Variants in TRIB2 observed in about 807,000 individuals in gnomAD.
The protein encoded by TRIB2 is tribbles pseudokinase 2.
TRIB2 carries 2 observed loss-of-function variants against 26.8 expected under a neutral mutation model. The observed-to-expected ratio is 0.07, with a 90% CI of 0.03 to 0.24. The LOEUF is 0.24. Ranked by LOEUF, TRIB2 falls within the 10% of genes least tolerant of loss-of-function variation. TRIB2 has a pLI of 1.00. For missense variants in TRIB2, 306 were observed against 449.0 expected (o/e 0.68, Z 2.88); for synonymous variants, 189 against 187.3 (o/e 1.01, Z -0.08).
intron 1 of TRIB2, among the ~76,000 whole-genome samples, chr2:12,720,390 C>T (rs1661179195): frequency 6.6e-6 from 1 of 152,198 alleles, no homozygotes. Flanking sequence ...TTCTGCTTGA[C>T]AGAGGTCATC....
At chr2:12,724,303 G>A (rs1217510455) in intron 2 of TRIB2, among the ~76,000 whole-genome samples, 1 of 152,240 alleles carries the variant, frequency 6.6e-6, no homozygotes, top group African/African-American at 2.4e-5. Context: ...CAGGATGCAG[G>A]CAACTGGCTT....
chr2:12,725,896 G>A (rs1290189802), intron 2 of TRIB2, among the ~76,000 whole-genome samples: 1 of 152,240 alleles, frequency 6.6e-6, no homozygotes, highest in East Asian at 1.9e-4. Flanking sequence ...CAGCCTTGAG[G>A]CTGATGCCCT....
intron 1 of TRIB2, among the ~76,000 whole-genome samples, chr2:12,719,419 T>G (rs776314899): frequency 2.0e-5 from 3 of 152,100 alleles, no homozygotes; most frequent in Non-Finnish European, 4.4e-5. Flanking sequence ...TGTATATGTG[T>G]GTCTGTGTAT....
Position 12,737,040 on chromosome 2 carries a change from A to G in TRIB2, c.564-3286A>G, listed in dbSNP as rs183202020. Among the ~76,000 whole-genome samples the G allele has an allele frequency of 4.1e-4, 62 of 152,252 alleles. No individual in the cohort carries two copies. The Middle Eastern group carries it at 0.01, about 25-fold the overall frequency. The stretch of plus-strand genomic sequence containing the variant: ...TGGGGCCAAGCTGGGCATGTGAGGA[A>G]CAGCAAACAGGCTGGGATGGAGAGA... On this transcript the variant is annotated intron_variant, in intron 2 of 2. Transcript: ENST00000155926.
At chr2:12,735,003 G>T (rs1242384409) in intron 2 of TRIB2, among the ~76,000 whole-genome samples, 2 of 152,174 alleles carry the variant, frequency 1.3e-5, no homozygotes. Flanking sequence ...AGAGGAGGGA[G>T]CCAAGGCCCA....
rs142801356 is a variant in TRIB2 at position 12,736,162 on chromosome 2, G to T, written c.564-4164G>T. ...GAATCTAAAATTGTGACCTGGAAGG[G>T]GATAGGAATGGAAAAGGGCCTCAGA... On this transcript the variant is annotated intron_variant, in intron 2 of 2. Coordinates refer to ENST00000155926, the MANE Select transcript of TRIB2 (RefSeq NM_021643.4). 1.1e-4 allele frequency among the ~76,000 whole-genome samples: 17 copies of T among 152,194 alleles called. No homozygotes were observed. The East Asian group carries it at 3.3e-3, about 29-fold the overall frequency.
chr2:12,717,436 C>G lies in TRIB2; in HGVS notation c.-872C>G, dbSNP rs1666616598. 2.5e-6 allele frequency: 1 copy of G among 398,328 alleles called. No homozygotes were observed. Among genetic ancestry groups the G allele is most frequent in the South Asian group, 1.3e-4 (1 of 7,862 alleles). The allele number at this position is 398,328 out of a possible 1,614,324, so 24.7% of individuals were successfully genotyped here. A position where few individuals can be genotyped will look rare whatever the true frequency, so the allele number is the denominator to read the frequency against. ...GCTGCATTCGGAGGAAGACCTGGGG[C>G]GCGAGCGAGCGGCGACAGCATGAGC... is the stretch of plus-strand genomic sequence containing the variant. On this transcript the variant is annotated 5_prime_UTR_variant, in exon 1 of 3. Coordinates refer to ENST00000155926, the MANE Select transcript of TRIB2 (RefSeq NM_021643.4). This position sits in a 1 kb window ranked among gnomAD's most constrained non-coding sequence, Gnocchi z 4.8.
Position 12,740,856 on chromosome 2 carries a change from C to A in TRIB2, c.*62C>A. On this transcript the variant is annotated 3_prime_UTR_variant, in exon 3 of 3. Coordinates refer to ENST00000155926, the MANE Select transcript of TRIB2 (RefSeq NM_021643.4). This position sits in a 1 kb window ranked among gnomAD's most constrained non-coding sequence, Gnocchi z 5.8. ...TGAGCGAGGGCAGCGGAAAGGAGTT[C>A]TTCCGGGGGACACGAATTGCCTGGC... The A allele has an allele frequency of 4.1e-6, 6 of 1,454,386 alleles. No homozygotes were observed. In the South Asian group the frequency reaches 7.7e-5, roughly 19 times the overall value. 90.1% of individuals were successfully genotyped at this position (1,454,386 alleles called of 1,614,324 possible).
intron 2 of TRIB2, among the ~76,000 whole-genome samples, chr2:12,730,040 A>G (rs958660352): frequency 1.3e-5 from 2 of 152,122 alleles, no homozygotes; most frequent in Admixed American, 1.3e-4. Context: ...ACAAATACCT[A>G]TTGAGCATCT....
intron 2 of TRIB2, among the ~76,000 whole-genome samples, chr2:12,726,838 GC>G (rs1214961836): frequency 6.6e-6 from 1 of 152,194 alleles, no homozygotes; most frequent in Non-Finnish European, 1.5e-5. Context: ...ATTGGCTGAG[GC>G]CCACCTGGTG....
intron 2 of TRIB2, among the ~76,000 whole-genome samples, chr2:12,735,282 C>T (rs542159850): frequency 1.8e-4 from 27 of 152,296 alleles, no homozygotes; most frequent in East Asian, 5.8e-4. Context: ...TCCTTTCTCC[C>T]GGCTTCTCTT....
At chr2:12,729,298 G>A (rs1035068772) in intron 2 of TRIB2, among the ~76,000 whole-genome samples, 1 of 152,192 alleles carries the variant, frequency 6.6e-6, no homozygotes, top group African/African-American at 2.4e-5. Context: ...GCTGTCTCAT[G>A]TTCACTGCTT....
chr2:12,720,925 G>T (rs747273534), intron 1 of TRIB2, among the ~76,000 whole-genome samples: 1 of 152,126 alleles, frequency 6.6e-6, no homozygotes, highest in Non-Finnish European at 1.5e-5. Flanking sequence ...GGCAGAATGG[G>T]TACTTTTTTT....
Position 12,718,208 on chromosome 2 carries a change from T to C in TRIB2, c.-100T>C. 1.4e-6 allele frequency: 2 copies of C among 1,467,428 alleles called. No individual in the cohort carries two copies. The highest frequency in any genetic ancestry group is 9.1e-7 in the Non-Finnish European group (1 of 1,096,360). The allele number at this position is 1,467,428 out of a possible 1,614,324, so 90.9% of individuals were successfully genotyped here. On this transcript the variant is annotated 5_prime_UTR_variant, in exon 1 of 3. Coordinates refer to ENST00000155926, the MANE Select transcript of TRIB2 (RefSeq NM_021643.4). This position sits in a 1 kb window ranked among gnomAD's most constrained non-coding sequence, Gnocchi z 4.0. The stretch of plus-strand genomic sequence containing the variant: ...TTCTGTCCCCTCCCCTCTCGCTCCC[T>C]TTTAAAATCAGTGGCACCGAGGCGC...
At position 12,718,628 on chromosome 2, in the gene TRIB2, G is replaced by C. The variant is rs775130378; in HGVS notation, c.270+51G>C. 7.5e-6 allele frequency: 12 copies of C among 1,589,630 alleles called. No homozygotes were observed. Among genetic ancestry groups the C allele is most frequent in the Non-Finnish European group, 1.0e-5 (12 of 1,163,950 alleles). On this transcript the variant is annotated intron_variant, in intron 1 of 2. Coordinates refer to ENST00000155926, the MANE Select transcript of TRIB2 (RefSeq NM_021643.4). The surrounding 1 kb of genome is among the most constrained non-coding windows in gnomAD (Gnocchi z 4.0). ...GTCTTTGGAAGGGGCCCGAGGGAGC[G>C]GGAGGGCGCCAGGCCCTCGAGTCTG...
chr2:12,728,794 G>C (rs2103253935), intron 2 of TRIB2, among the ~76,000 whole-genome samples: 1 of 152,188 alleles, frequency 6.6e-6, no homozygotes, highest in East Asian at 1.9e-4. Context: ...CCTCCCTGTG[G>C]GGTGGAGGCG....
intron 2 of TRIB2, among the ~76,000 whole-genome samples, chr2:12,728,656 C>T (rs2103253852): frequency 6.6e-6 from 1 of 152,310 alleles, no homozygotes; most frequent in East Asian, 1.9e-4. Flanking sequence ...GGTTTCATTT[C>T]CTCCGCTTTG....
At position 12,732,368 on chromosome 2, in the gene TRIB2, G is replaced by T. The variant is rs973372730; in HGVS notation, c.564-7958G>T. ...TTCCTTCATCTGTCTCTAAGCTGCT[G>T]TAGTCTCCTGCATCAAATCGGTGTG... On this transcript the variant is annotated intron_variant, in intron 2 of 2. Transcript: ENST00000155926. This position sits in a 1 kb window ranked among gnomAD's most constrained non-coding sequence, Gnocchi z 4.2. Among the ~76,000 whole-genome samples, 51 of 152,312 alleles carry T rather than the reference G, an allele frequency of 3.3e-4. No individual in the cohort carries two copies. The highest frequency in any genetic ancestry group is 6.9e-4 in the Non-Finnish European group (47 of 68,024).
At chr2:12,726,781 C>A (rs1382650035) in intron 2 of TRIB2, among the ~76,000 whole-genome samples, 3 of 152,248 alleles carry the variant, frequency 2.0e-5, no homozygotes, top group Non-Finnish European at 4.4e-5. Context: ...GCTTCTTGAA[C>A]TCTGGTGATC....
Sources: gnomAD v4.1 joint callset for allele counts (sites outside exome capture counted in the v4.1 genomes callset) on GRCh38, gnomAD v4.1.1 for gene constraint, Gnocchi (gnomAD v3.1) non-coding constraint, MANE v1.5 for transcripts, NCBI Gene and HGNC (gene_info 2026-07-23, HGNC 2026-07-21) for gene names.